The following ADAMTSL1 variants were observed in gnomAD, a reference collection of about 807,000 sequenced individuals.
ADAMTSL1 encodes the protein ADAMTS like 1, also known as ADAMTS-like protein 1.
In ADAMTSL1, 126 loss-of-function variants were observed where a neutral mutation model predicts 201.8. That is an observed-to-expected ratio of 0.62 (90% confidence interval 0.54 to 0.72). The LOEUF (loss-of-function observed/expected upper bound fraction) is 0.72, where lower values mean the gene tolerates loss of function less well. Among genes scored for constraint, ADAMTSL1 ranks in the 30% least tolerant of loss-of-function variants. The probability of loss-of-function intolerance (pLI) is 0.00; values close to 1 mark genes in which losing one functional copy is unlikely to be tolerated. For synonymous variants in ADAMTSL1, 1,121 were observed against 903.4 expected, an observed-to-expected ratio of 1.24 and a Z score of -4.32; for missense variants, 2,679 against 2,277.8, an observed-to-expected ratio of 1.18 and a Z score of -3.59.
At chr9:18,035,157 A>G (rs1821137270) in intron 1 of ADAMTSL1, among the ~76,000 whole-genome samples, 1 of 152,194 alleles carries the variant, frequency 6.6e-6, no homozygotes, top group Non-Finnish European at 1.5e-5. Flanking sequence ...GTTACTAAAC[A>G]TGGGACTGTG....
intron 1 of ADAMTSL1, among the ~76,000 whole-genome samples, chr9:18,032,483 G>A (rs531578120): frequency 1.3e-5 from 2 of 152,270 alleles, no homozygotes; most frequent in Admixed American, 1.3e-4. Context: ...TGCGGGAGCA[G>A]CCAGGTAGGC....
intron 3 of ADAMTSL1, among the ~76,000 whole-genome samples, chr9:18,552,178 G>C (rs566014155): frequency 4.5e-4 from 68 of 151,548 alleles, no homozygotes; most frequent in Non-Finnish European, 8.4e-4. Context: ...TAATTCCTTA[G>C]GTTTGAAGCT....
intron 2 of ADAMTSL1, among the ~76,000 whole-genome samples, chr9:18,224,227 A>C (rs901302670): frequency 6.6e-6 from 1 of 152,140 alleles, no homozygotes; most frequent in African/African-American, 2.4e-5. Context: ...ACAGTTCAGA[A>C]GGCTGGGAAA....
At chr9:18,602,405 T>C (rs1539000) in intron 4 of ADAMTSL1, among the ~76,000 whole-genome samples, 56,442 of 152,124 alleles carry the variant, frequency 0.37, 11,445 homozygotes, top group Middle Eastern at 0.52. Context: ...CAGCAAGATT[T>C]TGTGGGGCTA....
chr9:17,976,712 C>T (rs1256587977), intron 1 of ADAMTSL1, among the ~76,000 whole-genome samples: 2 of 150,572 alleles, frequency 1.3e-5, no homozygotes, highest in South Asian at 2.1e-4. Context: ...CTCTCTCTCT[C>T]CCTCCCTCCC....
At chr9:18,588,273 A>G (rs12376154) in intron 4 of ADAMTSL1, among the ~76,000 whole-genome samples, 11,993 of 152,196 alleles carry the variant, frequency 0.079, 507 homozygotes, top group East Asian at 0.1. Context: ...TCTTCCTTCA[A>G]CAAATATCTA....
chr9:18,409,710 A>T (rs1818352776), intron 2 of ADAMTSL1, among the ~76,000 whole-genome samples: 1 of 150,806 alleles, frequency 6.6e-6, no homozygotes, highest in Non-Finnish European at 1.5e-5. Context: ...AGACAGCCAT[A>T]ACATGTATGT....
intron 2 of ADAMTSL1, among the ~76,000 whole-genome samples, chr9:18,207,334 A>G (rs1321395240): frequency 2.0e-5 from 3 of 152,202 alleles, no homozygotes; most frequent in Non-Finnish European, 4.4e-5. Context: ...TTTGTCAGAC[A>G]GTACGTCTTA....
chr9:18,114,267 C>CTCAAAGGTT (rs1825155052), intron 1 of ADAMTSL1, among the ~76,000 whole-genome samples: 1 of 152,172 alleles, frequency 6.6e-6, no homozygotes, highest in Non-Finnish European at 1.5e-5. Context: ...AACTCAAACA[C>CTCAAAGGTT]TCTCCCAGGA....
intron 4 of ADAMTSL1, among the ~76,000 whole-genome samples, chr9:18,575,158 T>C (rs1239933757): frequency 6.6e-6 from 1 of 152,172 alleles, no homozygotes; most frequent in Non-Finnish European, 1.5e-5. Context: ...TTTTAGTAAT[T>C]TGTTGTTTCA....
chr9:18,470,784 A>T (rs897519676), upstream of ADAMTSL1, among the ~76,000 whole-genome samples: 6 of 152,186 alleles, frequency 3.9e-5, no homozygotes, highest in South Asian at 2.1e-4. Context: ...CTTTTCAATT[A>T]AGTATTGTTA....
intron 2 of ADAMTSL1, among the ~76,000 whole-genome samples, chr9:18,185,606 G>C (rs373722967): frequency 1.1e-4 from 17 of 152,088 alleles, no homozygotes; most frequent in African/African-American, 4.1e-4. Flanking sequence ...ACTTGAATCA[G>C]GTAGGTACTG....
chr9:18,023,421 G>A (rs1286516956), intron 1 of ADAMTSL1, among the ~76,000 whole-genome samples: 1 of 151,972 alleles, frequency 6.6e-6, no homozygotes, highest in African/African-American at 2.4e-5. Flanking sequence ...TTTTATTTGT[G>A]GAAAAGCTAA....
chr9:18,876,350 C>T (rs916493115), intron 23 of ADAMTSL1, among the ~76,000 whole-genome samples: 4 of 104,160 alleles, frequency 3.8e-5, no homozygotes, highest in East Asian at 2.9e-4. Flanking sequence ...TTTATAGGTT[C>T]TGTGAGATTT....
chr9:17,929,249 A>G (rs12115754), intron 1 of ADAMTSL1, among the ~76,000 whole-genome samples: 26,434 of 152,018 alleles, frequency 0.17, 2,977 homozygotes, highest in Middle Eastern at 0.25. Context: ...CCGCCTTTAC[A>G]TCAGTATTTC....
At chr9:18,669,108 C>T (rs62550597) in intron 9 of ADAMTSL1, among the ~76,000 whole-genome samples, 19,284 of 152,260 alleles carry the variant, frequency 0.13, 1,376 homozygotes, top group Middle Eastern at 0.16. Context: ...TCCAGCCCAA[C>T]GTAGAACAGC....
rs141996935 is a variant in ADAMTSL1 at position 18,805,785 on chromosome 9, C to G, written c.3805+10261C>G. ...GTATCTGCACAGTACTCCAGGAAAACTCTGTCAGTCATTAGATTTGGCTTC... is the reference window on the plus strand; with the variant it reads ...GTATCTGCACAGTACTCCAGGAAAAGTCTGTCAGTCATTAGATTTGGCTTC... On this transcript the variant is annotated intron_variant, in intron 20 of 28. Coordinates refer to ENST00000380548, the MANE Select transcript of ADAMTSL1 (RefSeq NM_001040272.6). Among the ~76,000 whole-genome samples, 566 of 152,290 alleles carry G rather than the reference C, an allele frequency of 3.7e-3. 3 individuals carry two copies. The highest frequency in any genetic ancestry group is 5.5e-3 in the Non-Finnish European group (372 of 68,026).
rs972473935 is a variant in ADAMTSL1 at position 18,410,068 on chromosome 9, C to G, written c.208-94761C>G. ...CGTTTAATGTACACTTTTGTAGATA[C>G]CCTTTATTACATTAAACAAATGTTT... On this transcript the variant is annotated intron_variant, in intron 2 of 29. Coordinates refer to the ADAMTSL1 transcript ENST00000680146. 2.6e-5 allele frequency among the ~76,000 whole-genome samples: 4 copies of G among 151,696 alleles called. No homozygotes were observed. In the South Asian group the frequency reaches 8.4e-4, roughly 32 times the overall value.
chr9:18,165,501 T>C lies in ADAMTSL1; in HGVS notation c.207+1520T>C, dbSNP rs182375314. Among the ~76,000 whole-genome samples the C allele has an allele frequency of 3.9e-3, 586 of 152,028 alleles. 1 individual carries two copies. The highest frequency in any genetic ancestry group is 7.0e-3 in the Admixed American group (107 of 15,238). On this transcript the variant is annotated intron_variant, in intron 2 of 29. Transcript: ENST00000680146. Reference sequence around the variant, plus strand: ...CATTGATTTCCATTAAAATGAAAACTGTCCATGCTGTTGAATTTCCTCAAA... The same window carrying C: ...CATTGATTTCCATTAAAATGAAAACCGTCCATGCTGTTGAATTTCCTCAAA...
Sources: allele counts gnomAD v4.1 joint callset (sites outside exome capture counted in the v4.1 genomes callset), GRCh38; gene constraint gnomAD v4.1.1; transcripts MANE v1.5; gene names NCBI Gene and HGNC (gene_info 2026-07-23, HGNC 2026-07-21).